The following MDGA1 variants were observed in gnomAD, a reference collection of about 807,000 sequenced individuals.
The protein encoded by MDGA1 is MAM domain-containing glycosylphosphatidylinositol anchor protein 1.
A neutral mutation model predicts 101.5 loss-of-function variants in MDGA1; 54 were observed. That is an observed-to-expected ratio of 0.53 (90% CI 0.43 to 0.67). MDGA1 has a LOEUF of 0.67. Ranked by LOEUF, MDGA1 falls within the 30% of genes least tolerant of loss-of-function variation. The pLI is 0.00. For missense variants in MDGA1, 1,083 were observed against 1,323.8 expected (o/e 0.82, Z 2.82); for synonymous variants, 533 against 558.3 (o/e 0.95, Z 0.64).
intron 1 of MDGA1, among the ~76,000 whole-genome samples, chr6:37,685,208 C>G (rs1762173776): frequency 6.6e-6 from 1 of 151,938 alleles, no homozygotes; most frequent in African/African-American, 2.4e-5. Context: ...AGCTGAGGCA[C>G]TTGAACCCAG....
At chr6:37,668,412 C>A (rs1432203306) in intron 1 of MDGA1, among the ~76,000 whole-genome samples, 1 of 151,908 alleles carries the variant, frequency 6.6e-6, no homozygotes, top group South Asian at 2.1e-4. Flanking sequence ...GGGTATGTAC[C>A]CAGTAGAAAT....
chr6:37,666,004 T>A (rs1187511456), intron 1 of MDGA1, among the ~76,000 whole-genome samples: 1 of 152,120 alleles, frequency 6.6e-6, no homozygotes, highest in Non-Finnish European at 1.5e-5. Context: ...GAGGCTACAC[T>A]TCCCAGCCTA....
At chr6:37,665,001 G>A (rs897745024) in intron 1 of MDGA1, among the ~76,000 whole-genome samples, 1 of 151,374 alleles carries the variant, frequency 6.6e-6, no homozygotes, top group Non-Finnish European at 1.5e-5. Context: ...AATGCTCACA[G>A]AAGTTGGGGC....
intron 1 of MDGA1, among the ~76,000 whole-genome samples, chr6:37,678,962 G>A (rs939375968): frequency 6.6e-6 from 1 of 152,032 alleles, no homozygotes; most frequent in African/African-American, 2.4e-5. Context: ...ATCCCTTAAA[G>A]GGATGAACAA....
chr6:37,638,104 ACCC>A lies in MDGA1; in HGVS notation c.2776+98_2776+100del, dbSNP rs767820538. The A allele has an allele frequency of 2.3e-6, 2 of 873,396 alleles. No homozygotes were observed. Among genetic ancestry groups the A allele is most frequent in the Non-Finnish European group, 3.8e-6 (2 of 527,302 alleles). The allele number at this position is 873,396 out of a possible 1,614,324, so 54.1% of individuals were successfully genotyped here. On this transcript the variant is annotated intron_variant, in intron 16 of 16. Coordinates refer to ENST00000434837, the MANE Select transcript of MDGA1 (RefSeq NM_153487.4). The surrounding 1 kb of genome is among the most constrained non-coding windows in gnomAD (Gnocchi z 4.8). The stretch of plus-strand genomic sequence containing the variant: ...GATTCCCATCACTCAGACATTCTGA[ACCC>A]CTATTCAGACCCAAACACCCTCCCT...
rs745828147 is a variant in MDGA1 at position 37,649,030 on chromosome 6, T to C, written c.1846A>G (p.Ser616Gly). Residue 616 changes from serine to glycine, a missense_variant, in exon 9 of 17, where the codon AGC becomes GGC. Physicochemically the swap from Ser to Gly is moderately conservative, Grantham distance 56. Coordinates refer to ENST00000434837, the MANE Select transcript of MDGA1 (RefSeq NM_153487.4). ...GCCGAGCCCACATCGTTGGAGACGC[T>C]GCACTCGTAGCTGCCGCTGCTGTCG... ...TRDSSGSYEC[S>G]VSNDVGSAAC... The C allele has an allele frequency of 1.3e-6, 2 of 1,549,090 alleles. No individual in the cohort carries two copies. The highest frequency in any genetic ancestry group is 8.7e-7 in the Non-Finnish European group (1 of 1,147,606).
intron 6 of MDGA1, among the ~76,000 whole-genome samples, chr6:37,653,345 A>G (rs1761410745): frequency 6.6e-6 from 1 of 152,246 alleles, no homozygotes; most frequent in Non-Finnish European, 1.5e-5. Context: ...GCTCTGATTA[A>G]GTAAAAAGTC....
intron 1 of MDGA1, among the ~76,000 whole-genome samples, chr6:37,692,438 G>A (rs1762329789): frequency 1.3e-5 from 2 of 151,910 alleles, no homozygotes; most frequent in Non-Finnish European, 2.9e-5. Context: ...AGGGGGGCAG[G>A]GGGGAGTGGC....
chr6:37,677,804 A>G (rs1168547488), intron 1 of MDGA1, among the ~76,000 whole-genome samples: 1 of 152,156 alleles, frequency 6.6e-6, no homozygotes, highest in Non-Finnish European at 1.5e-5. Flanking sequence ...GGAAGGAAGG[A>G]CAGCATTTCT....
At position 37,644,642 on chromosome 6, in the gene MDGA1, G is replaced by A; in HGVS notation, c.2256C>T (p.Thr752=). Residue 752 remains threonine (T), a synonymous_variant, in exon 13 of 17, where the codon ACC becomes ACT. Transcript: ENST00000434837. ...AGATCTTCTCATCCTCAAAGTGGCA[G>A]GTGTTGTCTGCATTTTATGGGGCGA... The part of the protein sequence containing the change: ...PINSPNLSDN[T]CHFEDEKICG... 6.3e-7 allele frequency: 1 copy of A among 1,581,096 alleles called. No individual in the cohort carries two copies. The highest frequency in any genetic ancestry group is 1.4e-5 in the African/African-American group (1 of 73,428).
At chr6:37,680,822 G>A (rs1229968426) in intron 1 of MDGA1, among the ~76,000 whole-genome samples, 2 of 152,264 alleles carry the variant, frequency 1.3e-5, no homozygotes, top group Non-Finnish European at 2.9e-5. Context: ...GGGCGCAGCG[G>A]GTGAGCGCAC....
At chr6:37,682,497 A>G (rs76306252) in intron 1 of MDGA1, among the ~76,000 whole-genome samples, 2,028 of 152,266 alleles carry the variant, frequency 0.013, 24 homozygotes, top group Non-Finnish European at 0.017. Context: ...AAACAAGCAA[A>G]CAAACAAACA....
At chr6:37,644,137 TCCTGCCTCACCCCCACG>T (rs1764165334) in intron 13 of MDGA1, among the ~76,000 whole-genome samples, 194 bp from the exon 14 acceptor site, 1 of 137,074 alleles carries the variant, frequency 7.3e-6, no homozygotes, top group African/African-American at 2.8e-5. Flanking sequence ...CCCCCACGCA[TCCTGCCTCACCCCCACG>T]CATCCTGCCT....
intron 1 of MDGA1, among the ~76,000 whole-genome samples, chr6:37,680,025 C>T (rs955212271): frequency 2.0e-5 from 3 of 152,146 alleles, no homozygotes; most frequent in Admixed American, 6.5e-5. Context: ...AATTAGATCT[C>T]GATGGTGTCA....
intron 7 of MDGA1, among the ~76,000 whole-genome samples, chr6:37,650,705 A>C (rs1037606965): frequency 6.6e-6 from 1 of 152,126 alleles, no homozygotes; most frequent in East Asian, 1.9e-4. Context: ...AACATTTCTA[A>C]ATATATCCAT....
intron 1 of MDGA1, among the ~76,000 whole-genome samples, chr6:37,682,238 A>C (rs879737219): frequency 4.6e-5 from 7 of 152,178 alleles, no homozygotes; most frequent in Admixed American, 4.6e-4. Context: ...TAATCCCAGC[A>C]CTTTGGGAGG....
intron 1 of MDGA1, among the ~76,000 whole-genome samples, chr6:37,674,486 C>T (rs1016428300): frequency 5.3e-5 from 8 of 152,208 alleles, no homozygotes; most frequent in South Asian, 4.1e-4. Context: ...CTGCAAGTGG[C>T]GGCTGGTCCA....
At chr6:37,678,115 A>C (rs918689475) in intron 1 of MDGA1, among the ~76,000 whole-genome samples, 2 of 151,944 alleles carry the variant, frequency 1.3e-5, no homozygotes, top group Non-Finnish European at 2.9e-5. Flanking sequence ...CCATCCACTG[A>C]CCTCCAGCAG....
rs1761466404 is a variant in MDGA1 at position 37,655,657 on chromosome 6, TG to T, written c.579+42del. On this transcript the variant is annotated intron_variant, in intron 4 of 16. Coordinates refer to ENST00000434837, the MANE Select transcript of MDGA1 (RefSeq NM_153487.4). This position sits in a 1 kb window ranked among gnomAD's most constrained non-coding sequence, Gnocchi z 5.1. ...CCCCATGCCCCCCTCCCCTGTTGGA[TG>T]CAGGAGAAGTGGTATGGGGCGAGCC... 6.8e-7 allele frequency: 1 copy of T among 1,480,854 alleles called. No individual in the cohort carries two copies. Among genetic ancestry groups the T allele is most frequent in the Non-Finnish European group, 9.1e-7 (1 of 1,093,662 alleles). 91.7% of individuals were successfully genotyped at this position (1,480,854 alleles called of 1,614,324 possible).
Sources: allele counts gnomAD v4.1 joint callset (sites outside exome capture counted in the v4.1 genomes callset), GRCh38; gene constraint gnomAD v4.1.1; non-coding constraint Gnocchi (gnomAD v3.1); transcripts MANE v1.5; gene names NCBI Gene and HGNC (gene_info 2026-07-23, HGNC 2026-07-21).